CTSB: variants seen among roughly 807,000 people sequenced by gnomAD.
CTSB encodes APP secretase.
Under a neutral mutation model 44.3 loss-of-function variants are expected in CTSB, and 57 were observed. The observed-to-expected ratio is 1.29, with a 90% CI of 1.04 to 1.60. The LOEUF is 1.60. Among genes scored for constraint, CTSB ranks in the 40% most tolerant of loss-of-function variants. The probability of loss-of-function intolerance (pLI) is 0.00; values close to 1 mark genes in which losing one functional copy is unlikely to be tolerated. For synonymous variants in CTSB, 320 were observed against 168.0 expected, an observed-to-expected ratio of 1.91 and a Z score of -7.00; for missense variants, 768 against 443.0, an observed-to-expected ratio of 1.73 and a Z score of -6.59.
At chr8:11,851,637 C>G (rs1814618197) in intron 3 of CTSB, among the ~76,000 whole-genome samples, 1 of 152,124 alleles carries the variant, frequency 6.6e-6, no homozygotes, top group African/African-American at 2.4e-5. Flanking sequence ...AACCTCTGCC[C>G]AGGATCCTCT....
intron 1 of CTSB, among the ~76,000 whole-genome samples, chr8:11,863,256 C>CA (rs370461703): frequency 1.2e-4 from 19 of 152,168 alleles, no homozygotes; most frequent in African/African-American, 4.6e-4. Context: ...CTCAGGAGTT[C>CA]AACACCAGCC....
intron 8 of CTSB, among the ~76,000 whole-genome samples, chr8:11,846,825 A>C (rs2130994956): frequency 6.6e-6 from 1 of 152,136 alleles, no homozygotes; most frequent in African/African-American, 2.4e-5. Context: ...AGGCTCTGGG[A>C]GAGGCCTCTG....
chr8:11,860,050 C>T (rs892051003), intron 1 of CTSB, among the ~76,000 whole-genome samples: 7 of 151,724 alleles, frequency 4.6e-5, no homozygotes, highest in African/African-American at 9.7e-5. Context: ...CCAGCCTGGG[C>T]GACAGAGCAA....
At chr8:11,852,529 G>A in intron 3 of CTSB, 81 bp downstream of exon 3, 1 of 1,111,010 alleles carries the variant, frequency 9.0e-7, no homozygotes, top group Middle Eastern at 2.0e-4. Flanking sequence ...CGCCAGAGAG[G>A]CCTTCACTCT....
At chr8:11,859,513 C>T (rs1240233101) in intron 1 of CTSB, among the ~76,000 whole-genome samples, 2 of 152,118 alleles carry the variant, frequency 1.3e-5, no homozygotes, top group South Asian at 2.1e-4. Flanking sequence ...GTAATCCCAG[C>T]GCTTTGGGAG....
rs775457493 is a variant in CTSB at position 11,847,040 on chromosome 8, A to G, written c.793+12T>C. ...CCCCCACCCTCTATTGCCATCAGCC[A>G]TCAGCACGCACCTGACTTGTAGAGC... On this transcript the variant is annotated intron_variant, in intron 8 of 9. Transcript: ENST00000353047. 4.1e-6 allele frequency: 4 copies of G among 983,784 alleles called. No homozygotes were observed. The highest frequency in any genetic ancestry group is 3.6e-5 in the East Asian group (1 of 27,752). 60.9% of individuals were successfully genotyped at this position (983,784 alleles called of 1,614,324 possible). A position where few individuals can be genotyped will look rare whatever the true frequency, so the allele number is the denominator to read the frequency against.
intron 1 of CTSB, among the ~76,000 whole-genome samples, chr8:11,861,091 T>C (rs572463803): frequency 6.6e-6 from 1 of 152,322 alleles, no homozygotes; most frequent in South Asian, 2.1e-4. Flanking sequence ...CTGTGTTTAG[T>C]AGATTCTTGG....
intron 8 of CTSB, among the ~76,000 whole-genome samples, chr8:11,846,814 G>A (rs1291576654): frequency 1.3e-5 from 2 of 152,104 alleles, no homozygotes; most frequent in Non-Finnish European, 2.9e-5. Flanking sequence ...AACTAGCCCA[G>A]AGGCTCTGGG....
intron 8 of CTSB, among the ~76,000 whole-genome samples, chr8:11,846,702 C>T (rs957043335): frequency 6.6e-6 from 1 of 152,184 alleles, no homozygotes; most frequent in Non-Finnish European, 1.5e-5. Context: ...GCTGGTAAAG[C>T]AATGCAAAGC....
intron 1 of CTSB, among the ~76,000 whole-genome samples, chr8:11,862,178 G>A (rs1043066118): frequency 2.7e-5 from 4 of 149,226 alleles, no homozygotes; most frequent in African/African-American, 9.9e-5. Flanking sequence ...CTGCACTCCA[G>A]CCTGGGCGAC....
chr8:11,862,486 G>C (rs959975622), intron 1 of CTSB: 1 of 152,174 alleles, frequency 6.6e-6, no homozygotes, highest in Non-Finnish European at 1.5e-5. Context: ...ATCCTAATTT[G>C]GATGAAAAAT....
At chr8:11,862,747 T>C (rs1816615509) in intron 1 of CTSB, among the ~76,000 whole-genome samples, 1 of 152,218 alleles carries the variant, frequency 6.6e-6, no homozygotes, top group Admixed American at 6.5e-5. Flanking sequence ...GTGTGCACAT[T>C]CTGCCAGAGT....
intron 6 of CTSB, 115 bp downstream of exon 6, chr8:11,847,952 A>C (rs1586100983): frequency 7.5e-7 from 1 of 1,325,974 alleles, no homozygotes; most frequent in Admixed American, 2.1e-5. Flanking sequence ...CCTGGCTAGC[A>C]CCTCTCAGCA....
intron 4 of CTSB, chr8:11,850,560 G>A (rs1563400112): frequency 4.3e-6 from 1 of 232,322 alleles, no homozygotes; most frequent in Non-Finnish European, 8.4e-6. Flanking sequence ...ATGCTTTCTT[G>A]AAGCAGAGTA....
Position 11,844,927 on chromosome 8 carries a change from C to T in CTSB, c.*198G>A, listed in dbSNP as rs772707613. 2 of 582,568 alleles carry T rather than the reference C, an allele frequency of 3.4e-6. No homozygotes were observed. Among genetic ancestry groups the T allele is most frequent in the South Asian group, 4.2e-5 (2 of 47,510 alleles). 36.1% of individuals were successfully genotyped at this position (582,568 alleles called of 1,614,324 possible). On this transcript the variant is annotated 3_prime_UTR_variant, in exon 10 of 10. Coordinates refer to ENST00000353047, the MANE Select transcript of CTSB (RefSeq NM_001908.5). Reference sequence around the variant, plus strand: ...GGACGCTCTGTGCTGGCAGCGGTGGCTCACATGGCCTGTCTGCACTGTAAC... The same window carrying T: ...GGACGCTCTGTGCTGGCAGCGGTGGTTCACATGGCCTGTCTGCACTGTAAC...
In CTSB at chr8:11,850,861, C is replaced by G. The variant is rs1814457691; in HGVS notation, c.327+5G>C. 1 of 1,604,706 alleles carries G rather than the reference C, an allele frequency of 6.2e-7. No homozygotes were observed. Among genetic ancestry groups the G allele is most frequent in the African/African-American group, 1.3e-5 (1 of 74,740 alleles). On this transcript the variant is annotated splice_donor_5th_base_variant and intron_variant, in intron 4 of 9. Transcript: ENST00000353047. The stretch of plus-strand genomic sequence containing the variant: ...GCGCTTCCCCGCCAGCCAGCAGGGC[C>G]TTACCCAGCAGGAGCCACAGGAGCC...
In CTSB at chr8:11,849,030, G is replaced by A. The variant is rs1485015846; in HGVS notation, c.446+16C>T. On this transcript the variant is annotated intron_variant, in intron 5 of 9. Transcript: ENST00000353047. ...TCTCAGCACTAAACCCGCTGTGGAA[G>A]CACAGCCTGACTCACCCGTCCCCAC... 4 of 1,590,144 alleles carry A rather than the reference G, an allele frequency of 2.5e-6. No homozygotes were observed. Among genetic ancestry groups the A allele is most frequent in the Non-Finnish European group, 3.4e-6 (4 of 1,159,528 alleles).
chr8:11,856,170 C>T (rs1221250615), intron 1 of CTSB, among the ~76,000 whole-genome samples: 1 of 151,958 alleles, frequency 6.6e-6, no homozygotes, highest in Non-Finnish European at 1.5e-5. Context: ...AAACGGAAGG[C>T]ATGATAATGA....
At chr8:11,848,629 AGGC>A in intron 5 of CTSB, 1 of 305,798 alleles carries the variant, frequency 3.3e-6, no homozygotes, top group Non-Finnish European at 6.4e-6. Flanking sequence ...TGCGGAACCA[AGGC>A]GAGGCTGCAG....
Sources: gnomAD v4.1 joint callset for allele counts (sites outside exome capture counted in the v4.1 genomes callset) on GRCh38, gnomAD v4.1.1 for gene constraint, MANE v1.5 for transcripts, NCBI Gene and HGNC (gene_info 2026-07-23, HGNC 2026-07-21) for gene names.